NLGN1: variants seen among roughly 807,000 people sequenced by gnomAD.
The protein encoded by NLGN1 is neuroligin 1, also known as neuroligin-1.
In NLGN1, 12 loss-of-function variants were observed where a neutral mutation model predicts 65.5. The ratio of observed to expected loss-of-function variants is 0.18; its 90% CI spans 0.12 to 0.30. NLGN1 has a LOEUF of 0.30. Among genes scored for constraint, NLGN1 ranks in the 10% least tolerant of loss-of-function variants. The pLI is 1.00. For synonymous variants in NLGN1, 350 were observed against 359.5 expected (o/e 0.97, Z 0.30); for missense variants, 750 against 1,007.1 (o/e 0.74, Z 3.46).
intron 4 of NLGN1, among the ~76,000 whole-genome samples, chr3:174,259,818 A>C (rs6809698): frequency 1.4e-5 from 2 of 144,930 alleles, no homozygotes; most frequent in African/African-American, 5.1e-5. Flanking sequence ...ATATCTCCCA[A>C]TGCTATCCCT....
intron 4 of NLGN1, among the ~76,000 whole-genome samples, chr3:174,168,091 G>A (rs889196700): frequency 4.0e-5 from 6 of 151,888 alleles, no homozygotes; most frequent in Non-Finnish European, 2.9e-5. Context: ...TTCTTTTTAA[G>A]ATGTTTATCT....
At chr3:174,167,652 C>A (rs1727769437) in intron 4 of NLGN1, among the ~76,000 whole-genome samples, 1 of 147,300 alleles carries the variant, frequency 6.8e-6, no homozygotes. Context: ...TTAGCATTGA[C>A]CTTGGGCAGT....
At chr3:173,512,379 G>A (rs1366129725) in intron 2 of NLGN1, among the ~76,000 whole-genome samples, 2 of 152,168 alleles carry the variant, frequency 1.3e-5, no homozygotes, top group African/African-American at 4.8e-5. Context: ...CAGTAGAGAG[G>A]GGAGCTGGAA....
chr3:173,725,292 A>G (rs1423047348), intron 3 of NLGN1, among the ~76,000 whole-genome samples: 1 of 152,202 alleles, frequency 6.6e-6, no homozygotes, highest in Non-Finnish European at 1.5e-5. Context: ...GGTATGATAC[A>G]TTCTGTTTTT....
chr3:173,474,009 C>T (rs1725760580), intron 2 of NLGN1, among the ~76,000 whole-genome samples: 1 of 152,084 alleles, frequency 6.6e-6, no homozygotes, highest in African/African-American at 2.4e-5. Flanking sequence ...AGCCTCAAAC[C>T]CAGGGCTAGA....
chr3:173,637,951 A>G (rs914679503), intron 3 of NLGN1, among the ~76,000 whole-genome samples: 7 of 152,302 alleles, frequency 4.6e-5, no homozygotes, highest in African/African-American at 1.7e-4. Flanking sequence ...GACATTTGGA[A>G]AATTGTGAAA....
intron 3 of NLGN1, among the ~76,000 whole-genome samples, chr3:173,683,793 G>T (rs17181418): frequency 6.6e-6 from 1 of 151,950 alleles, no homozygotes; most frequent in Non-Finnish European, 1.5e-5. Context: ...ATAGTGCTTC[G>T]TGCTTTGCAT....
In NLGN1 at chr3:174,240,807, GTCTTTTCAT is replaced by G. The variant is rs1352818763; in HGVS notation, c.647-34502_647-34494del. 3.3e-5 allele frequency among the ~76,000 whole-genome samples: 5 copies of G among 152,140 alleles called. No homozygotes were observed. The East Asian group carries it at 9.6e-4, about 29-fold the overall frequency. The stretch of plus-strand genomic sequence containing the variant: ...ATGTTATATGTAAGAGAATTTGTGG[GTCTTTTCAT>G]TCTTTGTTTGATTCCAACTCAGGAA... On this transcript the variant is annotated intron_variant, in intron 4 of 6. Transcript: ENST00000457714.
At chr3:173,780,495 T>C (rs913235014) in intron 3 of NLGN1, among the ~76,000 whole-genome samples, 1 of 152,232 alleles carries the variant, frequency 6.6e-6, no homozygotes, top group Non-Finnish European at 1.5e-5. Context: ...CACACTTAAA[T>C]TGACCATCTA....
intron 4 of NLGN1, among the ~76,000 whole-genome samples, chr3:174,198,656 C>T (rs553767688): frequency 1.3e-5 from 2 of 151,526 alleles, no homozygotes; most frequent in South Asian, 4.2e-4. Context: ...TATTTTTGTT[C>T]GTTTTCTTTT....
intron 3 of NLGN1, among the ~76,000 whole-genome samples, chr3:173,751,857 C>A (rs747031212): frequency 2.8e-4 from 43 of 152,168 alleles, no homozygotes; most frequent in Non-Finnish European, 5.0e-4. Context: ...GTTTACTTTT[C>A]CTATTTTACA....
intron 4 of NLGN1, among the ~76,000 whole-genome samples, chr3:174,111,763 G>A (rs1413246764): frequency 6.6e-6 from 1 of 151,862 alleles, no homozygotes; most frequent in Non-Finnish European, 1.5e-5. Context: ...GGTCTGAATG[G>A]AGAGTTACTG....
At position 173,730,402 on chromosome 3, in the gene NLGN1, TAAAAG is replaced by T. The variant is rs1179505829; in HGVS notation, c.494-77269_494-77265del. 2.0e-5 allele frequency among the ~76,000 whole-genome samples: 3 copies of T among 147,942 alleles called. No homozygotes were observed. In the Admixed American group the frequency reaches 2.1e-4, roughly 10 times the overall value. On this transcript the variant is annotated intron_variant, in intron 3 of 6. Transcript: ENST00000457714. ...TTTTAAAATTTTTTAGTAGCCACAC[TAAAAG>T]AAAAGAAATAGGTAAAATAGGTAAA...
In NLGN1 at chr3:173,842,130, G is replaced by A. The variant is rs1724893868; in HGVS notation, c.646+34298G>A. On this transcript the variant is annotated intron_variant, in intron 4 of 6. Coordinates refer to ENST00000457714, the Ensembl canonical transcript of NLGN1. ...GCAGCAGGCAAAAAGAAGAGCTAGT[G>A]CAGGGGAACTCCCATTTTTAAAACT... Among the ~76,000 whole-genome samples the A allele has an allele frequency of 2.6e-5, 4 of 152,158 alleles. 1 individual carries two copies. Among genetic ancestry groups the A allele is most frequent in the Admixed American group, 2.6e-4 (4 of 15,284 alleles).
At chr3:173,521,599 A>T (rs2149137570) in intron 2 of NLGN1, among the ~76,000 whole-genome samples, 1 of 152,290 alleles carries the variant, frequency 6.6e-6, no homozygotes, top group African/African-American at 2.4e-5. Context: ...TCCTAGTTAT[A>T]TCTGCTCCCA....
chr3:174,274,919 C>A (rs556351181), intron 4 of NLGN1, among the ~76,000 whole-genome samples: 1 of 151,808 alleles, frequency 6.6e-6, no homozygotes, highest in African/African-American at 2.4e-5. Context: ...CCACATTTGA[C>A]GACAAGCAAC....
intron 4 of NLGN1, among the ~76,000 whole-genome samples, chr3:173,827,964 C>T (rs944239163): frequency 1.3e-5 from 2 of 152,120 alleles, no homozygotes; most frequent in African/African-American, 4.8e-5. Context: ...TTTCAATGCT[C>T]ATCTCTTCCA....
intron 3 of NLGN1, among the ~76,000 whole-genome samples, chr3:173,788,222 A>AAAAAAG (rs1560371988): frequency 2.7e-5 from 4 of 150,504 alleles, no homozygotes; most frequent in Non-Finnish European, 3.0e-5. Flanking sequence ...AAAAAAAAAA[A>AAAAAAG]AAAAAGAAAA....
chr3:173,645,221 A>G (rs2149607000), intron 3 of NLGN1, among the ~76,000 whole-genome samples: 1 of 152,366 alleles, frequency 6.6e-6, no homozygotes, highest in Non-Finnish European at 1.5e-5. Flanking sequence ...CTGGGCAGCC[A>G]GGAGGCTTCT....
Sources: gnomAD v4.1 joint callset for allele counts (sites outside exome capture counted in the v4.1 genomes callset) on GRCh38, gnomAD v4.1.1 for gene constraint, MANE v1.5 for transcripts, NCBI Gene and HGNC (gene_info 2026-07-23, HGNC 2026-07-21) for gene names.